Variants in APBA2 observed in about 807,000 individuals in gnomAD.
APBA2 encodes the protein amyloid beta precursor protein binding family A member 2.
Under a neutral mutation model 75.0 loss-of-function variants are expected in APBA2, and 30 were observed. The ratio of observed to expected loss-of-function variants is 0.40; its 90% confidence interval spans 0.30 to 0.54. The LOEUF (loss-of-function observed/expected upper bound fraction) is 0.54, where lower values mean the gene tolerates loss of function less well. Among genes scored for constraint, APBA2 ranks in the 20% least tolerant of loss-of-function variants. The pLI is 0.49. For missense variants in APBA2, 801 were observed against 1,016.1 expected, an observed-to-expected ratio of 0.79 and a Z score of 2.88; for synonymous variants, 444 against 409.6, an observed-to-expected ratio of 1.08 and a Z score of -1.01.
chr15:28,998,200 CTTTTTTT>C (rs397937522), intron 3 of APBA2, among the ~76,000 whole-genome samples: 2 of 132,312 alleles, frequency 1.5e-5, no homozygotes, highest in African/African-American at 2.7e-5. Context: ...TCTTCTTTTT[CTTTTTTT>C]TTTTTTTTTG....
At chr15:28,924,430 C>G (rs2034147655) in intron 2 of APBA2, among the ~76,000 whole-genome samples, 2 of 152,150 alleles carry the variant, frequency 1.3e-5, no homozygotes, top group South Asian at 4.1e-4. Context: ...GCCTCCCTAC[C>G]CCAGTCTCTG....
intron 2 of APBA2, among the ~76,000 whole-genome samples, chr15:28,966,964 T>G (rs1298733238): frequency 6.6e-6 from 1 of 152,226 alleles, no homozygotes; most frequent in African/African-American, 2.4e-5. Context: ...ATCCACTGAG[T>G]ACCTTATCGT....
intron 12 of APBA2, among the ~76,000 whole-genome samples, chr15:29,107,593 G>A (rs2044492914): frequency 1.3e-5 from 2 of 152,186 alleles, no homozygotes. Flanking sequence ...TGGCCCGGCA[G>A]AGCGTCTGCC....
intron 2 of APBA2, among the ~76,000 whole-genome samples, chr15:28,986,541 C>A (rs2037937746): frequency 6.6e-6 from 1 of 152,076 alleles, no homozygotes; most frequent in Admixed American, 6.5e-5. Context: ...CTCTGTTGTC[C>A]AAGCTGAAGT....
chr15:29,086,149 T>G (rs983010983), intron 6 of APBA2, among the ~76,000 whole-genome samples: 1 of 152,238 alleles, frequency 6.6e-6, no homozygotes, highest in Non-Finnish European at 1.5e-5. Context: ...CTGGTGTGGT[T>G]GGCAGTTGCC....
At chr15:28,920,590 G>A (rs1315023287) in intron 1 of APBA2, among the ~76,000 whole-genome samples, 1 of 152,212 alleles carries the variant, frequency 6.6e-6, no homozygotes, top group Non-Finnish European at 1.5e-5. Flanking sequence ...CGTGGAGTGG[G>A]AATAAATGTT....
At chr15:28,890,453 C>T (rs1487472225) in intron 1 of APBA2, among the ~76,000 whole-genome samples, 1 of 152,190 alleles carries the variant, frequency 6.6e-6, no homozygotes, top group African/African-American at 2.4e-5. Context: ...CCATCTGGAT[C>T]TTTCCAAACT....
chr15:28,984,930 T>A (rs1018726283), intron 2 of APBA2, among the ~76,000 whole-genome samples: 2 of 151,422 alleles, frequency 1.3e-5, no homozygotes, highest in Non-Finnish European at 2.9e-5. Context: ...TCTCTCTCTC[T>A]CTCTCTCCCT....
rs539510200 is a variant in APBA2, at chr15:29,024,092, C to T, written c.-41+28286C>T. 1.8e-4 allele frequency among the ~76,000 whole-genome samples: 27 copies of T among 150,098 alleles called. No homozygotes were observed. The South Asian group carries it at 5.1e-3, about 29-fold the overall frequency. On this transcript the variant is annotated intron_variant, in intron 3 of 14. Transcript: ENST00000683413. ...CTAATTTTTGTATTTTTAGTAGAGA[C>T]GGGGTTTCACCATGTTAGCCAGGCT...
intron 3 of APBA2, among the ~76,000 whole-genome samples, chr15:29,000,275 A>T (rs954352873): frequency 6.6e-6 from 1 of 152,200 alleles, no homozygotes; most frequent in African/African-American, 2.4e-5. Flanking sequence ...AAGATATCAG[A>T]GTTTGTTCTG....
chr15:28,938,927 T>C (rs185526460), intron 2 of APBA2, among the ~76,000 whole-genome samples: 3 of 152,312 alleles, frequency 2.0e-5, no homozygotes, highest in Non-Finnish European at 2.9e-5. Flanking sequence ...TACATCAACA[T>C]TGTTTTGCAG....
At chr15:29,105,631 C>A (rs2044364156) in intron 11 of APBA2, 73 bp downstream of exon 11, 2 of 1,556,442 alleles carry the variant, frequency 1.3e-6, no homozygotes, top group South Asian at 2.2e-5. Flanking sequence ...GCAGAGCGAG[C>A]CTTCCCGGGG....
At chr15:28,977,438 G>A (rs1566865027) in intron 2 of APBA2, 1 of 152,174 alleles carries the variant, frequency 6.6e-6, no homozygotes, top group Admixed American at 6.5e-5. Context: ...ATTTTCCTAA[G>A]TGAATGAATA....
chr15:29,072,141 C>T (rs560959732), intron 4 of APBA2, among the ~76,000 whole-genome samples: 1 of 152,316 alleles, frequency 6.6e-6, no homozygotes, highest in East Asian at 1.9e-4. Context: ...AATTAAATCC[C>T]GCCCAGCTTG....
chr15:28,951,339 T>A (rs59516683), intron 2 of APBA2, among the ~76,000 whole-genome samples: 98 of 152,270 alleles, frequency 6.4e-4, no homozygotes, highest in African/African-American at 2.3e-3. Flanking sequence ...CAAAGAAAAC[T>A]GTACCTCTTT....
rs750541786 is a variant in APBA2 at position 29,093,163 on chromosome 15, G to A, written c.1158G>A (p.Arg386=). The part of the protein sequence containing the change: ...YLGSTQLLSE[R]NPSKNIRMMQ... ...GGTCCACCCAGCTGCTATCAGAACG[G>A]AACCCTTCCAAAAACATCAGAATGA... is the stretch of plus-strand genomic sequence containing the variant. The change falls in exon 7 of 15, where the codon CGG becomes CGA. Residue 386 remains arginine (R), a synonymous_variant. Transcript: ENST00000683413. 6.2e-7 allele frequency: 1 copy of A among 1,614,134 alleles called. No individual in the cohort carries two copies. The highest frequency in any genetic ancestry group is 1.3e-5 in the African/African-American group (1 of 74,946).
intron 4 of APBA2, among the ~76,000 whole-genome samples, chr15:29,055,356 C>G (rs577716556): frequency 1.3e-5 from 2 of 152,218 alleles, no homozygotes; most frequent in Non-Finnish European, 2.9e-5. Flanking sequence ...GATGGGCAAT[C>G]AGCTGTGAAT....
At chr15:28,962,539 A>T (rs2036534770) in intron 2 of APBA2, among the ~76,000 whole-genome samples, 1 of 152,118 alleles carries the variant, frequency 6.6e-6, no homozygotes, top group African/African-American at 2.4e-5. Flanking sequence ...ACTGCACTCC[A>T]GCCTGGCGAC....
chr15:29,063,950 G>T (rs1297822313), intron 4 of APBA2, among the ~76,000 whole-genome samples: 1 of 152,040 alleles, frequency 6.6e-6, no homozygotes, highest in African/African-American at 2.4e-5. Context: ...GTGAGGTCGG[G>T]TAAGGGCCTC....
Sources: gnomAD v4.1 joint callset for allele counts (sites outside exome capture counted in the v4.1 genomes callset) on GRCh38, gnomAD v4.1.1 for gene constraint, MANE v1.5 for transcripts, NCBI Gene and HGNC (gene_info 2026-07-23, HGNC 2026-07-21) for gene names.